Variants in ACVR1C observed in about 807,000 individuals in gnomAD.
The protein encoded by ACVR1C is activin A receptor type 1C, also known as activin receptor type-1C.
A neutral mutation model predicts 57.9 loss-of-function variants in ACVR1C; 23 were observed. The ratio of observed to expected loss-of-function variants is 0.40; its 90% CI spans 0.29 to 0.56. ACVR1C has a LOEUF of 0.56. Ranked by LOEUF, ACVR1C falls within the 20% of genes least tolerant of loss-of-function variation. The probability of loss-of-function intolerance (pLI) is 0.50; values close to 1 mark genes in which losing one functional copy is unlikely to be tolerated. For missense variants in ACVR1C, 480 were observed against 607.9 expected, an observed-to-expected ratio of 0.79 and a Z score of 2.21; for synonymous variants, 214 against 215.3, an observed-to-expected ratio of 0.99 and a Z score of 0.05.
At chr2:157,597,401 G>A in intron 1 of ACVR1C, 1 of 985,482 alleles carries the variant, frequency 1.0e-6, no homozygotes, top group Non-Finnish European at 1.2e-6. Context: ...CCCCAGAGCA[G>A]CGGCCAGGAG....
chr2:157,604,536 CATTAATATACTGTTTTTAGGTAAAGTA>C (rs1196043242), intron 1 of ACVR1C, among the ~76,000 whole-genome samples: 1 of 151,912 alleles, frequency 6.6e-6, no homozygotes, highest in Non-Finnish European at 1.5e-5. Flanking sequence ...CTGTAATAAA[CATTAATATACTGTTTTTAGGTAAAGTA>C]AGTTTTATTT....
chr2:157,555,833 C>G (rs1338326646), intron 3 of ACVR1C, among the ~76,000 whole-genome samples: 1 of 152,036 alleles, frequency 6.6e-6, no homozygotes, highest in African/African-American at 2.4e-5. Flanking sequence ...TTTTTTGCTT[C>G]AGAAATAAAT....
intron 1 of ACVR1C, among the ~76,000 whole-genome samples, chr2:157,614,693 C>A (rs1250590200): frequency 3.9e-5 from 6 of 152,150 alleles, no homozygotes; most frequent in Admixed American, 1.3e-4. Flanking sequence ...TAGAAGCATA[C>A]ACAACATTAT....
At chr2:157,546,306 T>G (rs1351815835) in intron 4 of ACVR1C, among the ~76,000 whole-genome samples, 1 of 152,228 alleles carries the variant, frequency 6.6e-6, no homozygotes, top group African/African-American at 2.4e-5. Context: ...TTTACAAATT[T>G]GGAAAGAACT....
At chr2:157,546,643 A>G (rs1055508634) in intron 4 of ACVR1C, among the ~76,000 whole-genome samples, 1 of 152,114 alleles carries the variant, frequency 6.6e-6, no homozygotes, top group South Asian at 2.1e-4. Context: ...AGTTGACTGA[A>G]TCAAGTTTTC....
At chr2:157,625,513 A>G (rs1408060694) in intron 1 of ACVR1C, among the ~76,000 whole-genome samples, 2 of 150,988 alleles carry the variant, frequency 1.3e-5, no homozygotes, top group Non-Finnish European at 1.5e-5. Flanking sequence ...AAACTCAGTC[A>G]GCCCTGAGCT....
chr2:157,535,239 G>A (rs1417419637), intron 8 of ACVR1C, among the ~76,000 whole-genome samples: 2 of 151,542 alleles, frequency 1.3e-5, no homozygotes, highest in Non-Finnish European at 2.9e-5. Context: ...TCCTTCTAAC[G>A]GAAATTGCCT....
intron 2 of ACVR1C, among the ~76,000 whole-genome samples, chr2:157,574,004 T>G (rs1243532743): frequency 6.6e-6 from 1 of 152,086 alleles, no homozygotes; most frequent in Non-Finnish European, 1.5e-5. Flanking sequence ...ATGAATGAAA[T>G]AAATAAGAAA....
At chr2:157,588,044 T>C (rs902360880) in intron 1 of ACVR1C, among the ~76,000 whole-genome samples, 2 of 152,036 alleles carry the variant, frequency 1.3e-5, no homozygotes, top group Non-Finnish European at 2.9e-5. Flanking sequence ...CTAAAGAACG[T>C]ATACTAGAAT....
chr2:157,576,371 A>G (rs2105245720), intron 2 of ACVR1C, among the ~76,000 whole-genome samples: 1 of 151,720 alleles, frequency 6.6e-6, no homozygotes, highest in Admixed American at 6.6e-5. Context: ...ATGCCCCGCT[A>G]ATTTTTGTAT....
chr2:157,552,136 G>A (rs1467723939), intron 3 of ACVR1C, among the ~76,000 whole-genome samples: 1 of 151,974 alleles, frequency 6.6e-6, no homozygotes, highest in Non-Finnish European at 1.5e-5. Context: ...TGTTTTGTTT[G>A]TTTGTTTGTT....
chr2:157,535,656 G>A (rs1290472647), intron 8 of ACVR1C, among the ~76,000 whole-genome samples: 4 of 152,082 alleles, frequency 2.6e-5, no homozygotes, highest in Non-Finnish European at 5.9e-5. Flanking sequence ...AGTGGTGCAT[G>A]CCTGTAATCC....
chr2:157,540,773 T>C (rs1324542890), intron 7 of ACVR1C, among the ~76,000 whole-genome samples: 1 of 152,234 alleles, frequency 6.6e-6, no homozygotes, highest in African/African-American at 2.4e-5. Flanking sequence ...ATCATTTAAC[T>C]TATTTGGGAT....
chr2:157,587,037 C>T, intron 2 of ACVR1C, 150 bp downstream of exon 2: 1 of 689,282 alleles, frequency 1.5e-6, no homozygotes, highest in South Asian at 2.2e-5. Context: ...CTCAGCTAGA[C>T]TCTAGAGAAT....
At chr2:157,574,674 T>C (rs1688601417) in intron 2 of ACVR1C, among the ~76,000 whole-genome samples, 1 of 152,200 alleles carries the variant, frequency 6.6e-6, no homozygotes, top group Non-Finnish European at 1.5e-5. Flanking sequence ...ATGACTTGCT[T>C]TGCTGCTTTT....
intron 1 of ACVR1C, among the ~76,000 whole-genome samples, chr2:157,622,405 C>T (rs1214472971): frequency 6.6e-6 from 1 of 152,048 alleles, no homozygotes; most frequent in Non-Finnish European, 1.5e-5. Context: ...ATGGTACTGA[C>T]ATAAAAACAG....
intron 1 of ACVR1C, chr2:157,597,328 AC>A (rs2105135504): frequency 1.0e-6 from 1 of 985,140 alleles, no homozygotes; most frequent in South Asian, 4.7e-5. Flanking sequence ...GGACCTTGGC[AC>A]CCCGGCCCGC....
At position 157,555,792 on chromosome 2, in the gene ACVR1C, G is replaced by A. The variant is rs556293417; in HGVS notation, c.544+301C>T. 5.3e-5 allele frequency among the ~76,000 whole-genome samples: 8 copies of A among 152,252 alleles called. No homozygotes were observed. In the East Asian group the frequency reaches 1.4e-3, roughly 26 times the overall value. On this transcript the variant is annotated intron_variant, in intron 3 of 8. Transcript: ENST00000243349. Reference sequence around the variant, plus strand: ...CAGTGATTGTTAGTAACCATAATGGGGGGAAGCAGGGAGGAGAGAAGGGAA... The same window carrying A: ...CAGTGATTGTTAGTAACCATAATGGAGGGAAGCAGGGAGGAGAGAAGGGAA...
At chr2:157,610,351 A>C (rs1212323867) in intron 1 of ACVR1C, among the ~76,000 whole-genome samples, 1 of 152,088 alleles carries the variant, frequency 6.6e-6, no homozygotes, top group East Asian at 1.9e-4. Flanking sequence ...TTCTTTCAGC[A>C]TTTTAAATAT....
Sources: gnomAD v4.1 joint callset for allele counts (sites outside exome capture counted in the v4.1 genomes callset) on GRCh38, gnomAD v4.1.1 for gene constraint, MANE v1.5 for transcripts, NCBI Gene and HGNC (gene_info 2026-07-23, HGNC 2026-07-21) for gene names.